Variants in IGF1 observed in about 807,000 individuals in gnomAD.
IGF1 encodes the protein insulin-like growth factor 1.
IGF1 carries 4 observed loss-of-function variants against 13.8 expected under a neutral mutation model. That is an observed-to-expected ratio of 0.29 (90% CI 0.14 to 0.66). The LOEUF (loss-of-function observed/expected upper bound fraction) is 0.66, where lower values mean the gene tolerates loss of function less well. Among genes scored for constraint, IGF1 ranks in the 30% least tolerant of loss-of-function variants. The probability of loss-of-function intolerance (pLI) is 0.78; values close to 1 mark genes in which losing one functional copy is unlikely to be tolerated. For missense variants in IGF1, 124 were observed against 188.5 expected (o/e 0.66, Z 2.00); for synonymous variants, 76 against 72.6 (o/e 1.05, Z -0.23).
chr12:102,479,584 A>G (rs1013558963), intron 1 of IGF1, among the ~76,000 whole-genome samples: 1 of 152,220 alleles, frequency 6.6e-6, no homozygotes, highest in African/African-American at 2.4e-5. Flanking sequence ...CCAAGTCCAA[A>G]CTTTGCCCAT....
intron 3 of IGF1, among the ~76,000 whole-genome samples, chr12:102,410,461 C>T (rs565267368): frequency 1.5e-4 from 23 of 152,238 alleles, no homozygotes; most frequent in African/African-American, 5.1e-4. Flanking sequence ...AAGTGAAACA[C>T]CAGATTCTAG....
At chr12:102,434,306 C>G (rs1250825061) in intron 2 of IGF1, among the ~76,000 whole-genome samples, 1 of 126,572 alleles carries the variant, frequency 7.9e-6, no homozygotes, top group African/African-American at 3.0e-5. Context: ...CCCCTCCCCC[C>G]ACCCCACAAC....
intron 2 of IGF1, among the ~76,000 whole-genome samples, chr12:102,434,266 A>G (rs1877014039): frequency 6.9e-6 from 1 of 145,550 alleles, no homozygotes; most frequent in South Asian, 2.3e-4. Context: ...GTCATCTAGC[A>G]TTAGGTATAT....
intron 2 of IGF1, among the ~76,000 whole-genome samples, chr12:102,466,515 T>C (rs565098058): frequency 1.3e-5 from 2 of 152,290 alleles, no homozygotes; most frequent in East Asian, 3.9e-4. Context: ...CAAAAAATAG[T>C]CTGACCCAAA....
At chr12:102,444,627 C>T (rs1413662068) in intron 2 of IGF1, among the ~76,000 whole-genome samples, 1 of 152,022 alleles carries the variant, frequency 6.6e-6, no homozygotes, top group African/African-American at 2.4e-5. Flanking sequence ...AAAATCATAT[C>T]TCATCTAGTC....
At chr12:102,474,467 C>T (rs555351339) in intron 2 of IGF1, among the ~76,000 whole-genome samples, 2 of 152,166 alleles carry the variant, frequency 1.3e-5, no homozygotes, top group African/African-American at 2.4e-5. Flanking sequence ...CCTCTTTCTT[C>T]CCATCTCCCT....
intron 2 of IGF1, among the ~76,000 whole-genome samples, chr12:102,460,886 T>C (rs1470212496): frequency 6.6e-6 from 1 of 152,224 alleles, no homozygotes; most frequent in Admixed American, 6.5e-5. Context: ...TTCTTAAAGT[T>C]CAAGTAAAAG....
At chr12:102,460,297 G>A (rs1426110393) in intron 2 of IGF1, among the ~76,000 whole-genome samples, 6 of 152,186 alleles carry the variant, frequency 3.9e-5, no homozygotes, top group Admixed American at 3.9e-4. Flanking sequence ...TCAATTCCAT[G>A]TGCATAGAGC....
At chr12:102,421,585 A>G (rs531676681) in intron 2 of IGF1, among the ~76,000 whole-genome samples, 1 of 152,264 alleles carries the variant, frequency 6.6e-6, no homozygotes, top group South Asian at 2.1e-4. Flanking sequence ...CATTACAGGT[A>G]ATGATTGCCC....
At chr12:102,459,918 G>A (rs542197949) in intron 2 of IGF1, among the ~76,000 whole-genome samples, 4 of 152,278 alleles carry the variant, frequency 2.6e-5, no homozygotes, top group Non-Finnish European at 4.4e-5. Context: ...TGTCTTGAAC[G>A]TAATAAAATA....
intron 2 of IGF1, among the ~76,000 whole-genome samples, chr12:102,450,019 G>A (rs916871335): frequency 4.6e-5 from 7 of 152,118 alleles, no homozygotes; most frequent in Non-Finnish European, 8.8e-5. Flanking sequence ...GTGAGGTTAC[G>A]AGATGAAGAC....
chr12:102,429,772 C>G (rs5742665), intron 2 of IGF1, among the ~76,000 whole-genome samples: 12,706 of 152,258 alleles, frequency 0.083, 740 homozygotes, highest in Non-Finnish European at 0.13. Context: ...CTTACATACT[C>G]AAACATGCTG....
chr12:102,454,924 G>T (rs2137169715), intron 2 of IGF1, among the ~76,000 whole-genome samples: 1 of 152,306 alleles, frequency 6.6e-6, no homozygotes. Context: ...TGTGGTGCTT[G>T]GCAGAGAGGT....
intron 3 of IGF1, chr12:102,417,819 C>A: frequency 6.2e-7 from 1 of 1,613,754 alleles, no homozygotes; most frequent in African/African-American, 1.3e-5. Context: ...TCCTGTCCTT[C>A]ATTTTCCTTT....
chr12:102,478,254 T>C (rs1195584577), intron 1 of IGF1, among the ~76,000 whole-genome samples: 1 of 143,354 alleles, frequency 7.0e-6, no homozygotes, highest in African/African-American at 2.6e-5. Flanking sequence ...AAGAAATCAA[T>C]AGAGAGAAAG....
intron 3 of IGF1, among the ~76,000 whole-genome samples, chr12:102,405,830 T>G (rs1304266507): frequency 6.6e-6 from 1 of 152,270 alleles, no homozygotes; most frequent in Non-Finnish European, 1.5e-5. Flanking sequence ...ATACCATCTA[T>G]GCTTCACTCT....
chr12:102,416,591 A>G (rs1458909358), intron 3 of IGF1, among the ~76,000 whole-genome samples: 1 of 152,174 alleles, frequency 6.6e-6, no homozygotes, highest in African/African-American at 2.4e-5. Context: ...TCAGTGTCCT[A>G]GTCTTCAAAA....
rs1300847493 is a variant in IGF1 at position 102,398,724 on chromosome 12, A to G, written c.*3783T>C. ...TAGATAGACCTAATGCTATTTTATT[A>G]AGCCATCTATCTATAGAATTGTTGT... On this transcript the variant is annotated 3_prime_UTR_variant, in exon 4 of 4. Transcript: ENST00000337514. 1.3e-5 allele frequency: 2 copies of G among 152,294 alleles called. No individual in the cohort carries two copies. Among genetic ancestry groups the G allele is most frequent in the Admixed American group, 1.3e-4 (2 of 15,288 alleles). 9.4% of individuals were successfully genotyped at this position (152,294 alleles called of 1,614,324 possible). A position where few individuals can be genotyped will look rare whatever the true frequency, so the allele number is the denominator to read the frequency against.
chr12:102,460,559 A>G (rs1879820161), intron 2 of IGF1, among the ~76,000 whole-genome samples: 1 of 152,196 alleles, frequency 6.6e-6, no homozygotes, highest in Non-Finnish European at 1.5e-5. Flanking sequence ...CAGAGCTATA[A>G]TTTTACTTCC....
Sources: allele counts gnomAD v4.1 joint callset (sites outside exome capture counted in the v4.1 genomes callset), GRCh38; gene constraint gnomAD v4.1.1; transcripts MANE v1.5; gene names NCBI Gene and HGNC (gene_info 2026-07-23, HGNC 2026-07-21).